CCNYL1: variants seen among roughly 807,000 people sequenced by gnomAD.
CCNYL1 encodes cyclin Y like 1.
Under a neutral mutation model 44.2 loss-of-function variants are expected in CCNYL1, and 16 were observed. That is an observed-to-expected ratio of 0.36 (90% CI 0.25 to 0.55). CCNYL1 has a LOEUF of 0.55. Among genes scored for constraint, CCNYL1 ranks in the 20% least tolerant of loss-of-function variants. The probability of loss-of-function intolerance (pLI) is 0.85; values close to 1 mark genes in which losing one functional copy is unlikely to be tolerated. For synonymous variants in CCNYL1, 159 were observed against 163.2 expected (o/e 0.97, Z 0.20); for missense variants, 348 against 451.8 (o/e 0.77, Z 2.08).
intron 7 of CCNYL1, among the ~76,000 whole-genome samples, chr2:207,745,167 A>G (rs1206840210): frequency 6.6e-6 from 1 of 152,168 alleles, no homozygotes; most frequent in Non-Finnish European, 1.5e-5. Flanking sequence ...TGAGCAAATG[A>G]GAGGACACAT....
intron 3 of CCNYL1, among the ~76,000 whole-genome samples, chr2:207,732,619 T>C (rs1271538502): frequency 6.6e-6 from 1 of 152,054 alleles, no homozygotes; most frequent in Non-Finnish European, 1.5e-5. Flanking sequence ...GTTAAAATTA[T>C]TAGTATTCTG....
intron 1 of CCNYL1, among the ~76,000 whole-genome samples, chr2:207,715,344 A>G (rs532039407): frequency 2.6e-5 from 4 of 151,512 alleles, no homozygotes; most frequent in Non-Finnish European, 5.9e-5. Flanking sequence ...AAAATCATAC[A>G]TAAATGACGC....
In CCNYL1 at chr2:207,712,011, G is replaced by A. The variant is rs778636571; in HGVS notation, c.115G>A (p.Asp39Asn). The A allele has an allele frequency of 2.7e-6, 4 of 1,483,900 alleles. No homozygotes were observed. The East Asian group carries it at 1.1e-4, about 40-fold the overall frequency. The allele number at this position is 1,483,900 out of a possible 1,614,324, so 91.9% of individuals were successfully genotyped here. Residue 39 changes from aspartate to asparagine, a missense_variant, in exon 1 of 10, where the codon GAC becomes AAC. Coordinates refer to ENST00000295414, the MANE Select transcript of CCNYL1 (RefSeq NM_001330218.2). ...CGACATCTACGAGGCGGTGTCCGGG[G>A]ACGCGGTGGCGGTAGCGCCCGCTGT... ...ASDIYEAVSG[D>N]AVAVAPAVVE...
rs1240274135 is a variant in CCNYL1, at chr2:207,754,549, C to CT, written c.*852dup. ...TTTAAGCTTGAATATAGTTTGGGCCCTCCAAGGCACTGCAGCATGAGTATA... is the reference window on the plus strand; with the variant it reads ...TTTAAGCTTGAATATAGTTTGGGCCCTTCCAAGGCACTGCAGCATGAGTATA... On this transcript the variant is annotated 3_prime_UTR_variant, in exon 10 of 10. Coordinates refer to ENST00000295414, the MANE Select transcript of CCNYL1 (RefSeq NM_001330218.2). 5 of 152,566 alleles carry CT rather than the reference C, an allele frequency of 3.3e-5. No homozygotes were observed. Among genetic ancestry groups the CT allele is most frequent in the Non-Finnish European group, 7.3e-5 (5 of 68,050 alleles). The allele number at this position is 152,566 out of a possible 1,614,324, so 9.5% of individuals were successfully genotyped here.
At chr2:207,719,463 G>A (rs2091623020) in intron 1 of CCNYL1, among the ~76,000 whole-genome samples, 1 of 152,004 alleles carries the variant, frequency 6.6e-6, no homozygotes, top group African/African-American at 2.4e-5. Context: ...ACCACGCCCA[G>A]CTAATTTTTA....
chr2:207,722,109 G>C (rs920458023), intron 1 of CCNYL1, among the ~76,000 whole-genome samples: 20 of 130,258 alleles, frequency 1.5e-4, no homozygotes, highest in Non-Finnish European at 2.7e-4. Flanking sequence ...GTCTTGCTCT[G>C]TTGACCAGGC....
chr2:207,728,500 T>C (rs1480159944), intron 3 of CCNYL1, among the ~76,000 whole-genome samples: 28 of 152,080 alleles, frequency 1.8e-4, no homozygotes, highest in Admixed American at 1.8e-3. Flanking sequence ...GGTCTCAAAC[T>C]CCTGGCCTCA....
At chr2:207,728,311 T>C (rs1174456848) in intron 3 of CCNYL1, among the ~76,000 whole-genome samples, 1 of 151,060 alleles carries the variant, frequency 6.6e-6, no homozygotes, top group Non-Finnish European at 1.5e-5. Context: ...GGTCTCACTC[T>C]GTTGCCCAAG....
intron 3 of CCNYL1, among the ~76,000 whole-genome samples, chr2:207,732,936 A>T (rs180975042): frequency 6.6e-6 from 1 of 152,206 alleles, no homozygotes; most frequent in Non-Finnish European, 1.5e-5. Context: ...TTTGTCCCCA[A>T]TTCTGTGCTC....
At position 207,753,738 on chromosome 2, in the gene CCNYL1, C is replaced by T. The variant is rs374519249; in HGVS notation, c.*40C>T. 1.6e-6 allele frequency: 2 copies of T among 1,254,170 alleles called. No homozygotes were observed. Among genetic ancestry groups the T allele is most frequent in the Non-Finnish European group, 2.3e-6 (2 of 867,040 alleles). The allele number at this position is 1,254,170 out of a possible 1,614,324, so 77.7% of individuals were successfully genotyped here. A position where few individuals can be genotyped will look rare whatever the true frequency, so the allele number is the denominator to read the frequency against. On this transcript the variant is annotated 3_prime_UTR_variant, in exon 10 of 10. Transcript: ENST00000295414. ...GGTTATAACGTCATGGGACCTTCAT[C>T]TACAAAGACTGGAGAAATACCACCT... is the stretch of plus-strand genomic sequence containing the variant.
At chr2:207,712,896 A>G (rs1287788692) in intron 1 of CCNYL1, among the ~76,000 whole-genome samples, 1 of 151,824 alleles carries the variant, frequency 6.6e-6, no homozygotes, top group Non-Finnish European at 1.5e-5. Context: ...GCTCGCTGCA[A>G]CCTCCGCCTC....
At chr2:207,736,197 TG>T (rs2091763337) in intron 4 of CCNYL1, among the ~76,000 whole-genome samples, 1 of 152,228 alleles carries the variant, frequency 6.6e-6, no homozygotes, top group Non-Finnish European at 1.5e-5. Flanking sequence ...AAAATCAATT[TG>T]GACATGAAAA....
chr2:207,727,175 C>G (rs2091686245), intron 3 of CCNYL1, among the ~76,000 whole-genome samples: 1 of 152,114 alleles, frequency 6.6e-6, no homozygotes, highest in African/African-American at 2.4e-5. Flanking sequence ...AATCAAGTAA[C>G]AAAATTATAA....
In CCNYL1 at chr2:207,723,695, G is replaced by A. The variant is rs138053779; in HGVS notation, c.221-1105G>A. On this transcript the variant is annotated intron_variant, in intron 1 of 9. Transcript: ENST00000295414. ...GTTTGAGACGAGCCTGGCCAACATG[G>A]TAAAACCCCGTCTCTACTAAAAATA... 4.5e-3 allele frequency among the ~76,000 whole-genome samples: 684 copies of A among 151,978 alleles called. 4 individuals carry two copies. The highest frequency in any genetic ancestry group is 0.015 in the African/African-American group (634 of 41,450).
chr2:207,750,414 T>A (rs1225393599), intron 8 of CCNYL1, among the ~76,000 whole-genome samples: 1 of 152,178 alleles, frequency 6.6e-6, no homozygotes, highest in Non-Finnish European at 1.5e-5. Flanking sequence ...CTTATTTATT[T>A]ATTTGAGATG....
intron 6 of CCNYL1, among the ~76,000 whole-genome samples, chr2:207,741,140 A>G (rs955052387): frequency 4.6e-5 from 7 of 152,132 alleles, no homozygotes; most frequent in Non-Finnish European, 1.0e-4. Flanking sequence ...CTGTAGTCCC[A>G]GCTACTTGGG....
chr2:207,755,600 TAA>T lies in CCNYL1; in HGVS notation c.*1903_*1904del, dbSNP rs1164764123. On this transcript the variant is annotated 3_prime_UTR_variant, in exon 10 of 10. Coordinates refer to ENST00000295414, the MANE Select transcript of CCNYL1 (RefSeq NM_001330218.2). ...GAAGATTTTGAAGAGCAGTGTTAAT[TAA>T]CATGTAATAAAAGGAATTGGACCCT... is the stretch of plus-strand genomic sequence containing the variant. 4 of 152,172 alleles carry T rather than the reference TAA, an allele frequency of 2.6e-5. No homozygotes were observed. Among genetic ancestry groups the T allele is most frequent in the Non-Finnish European group, 5.9e-5 (4 of 68,030 alleles). The allele number at this position is 152,172 out of a possible 1,614,324, so 9.4% of individuals were successfully genotyped here.
intron 3 of CCNYL1, among the ~76,000 whole-genome samples, chr2:207,732,272 T>A (rs982929166): frequency 6.6e-6 from 1 of 152,234 alleles, no homozygotes; most frequent in Non-Finnish European, 1.5e-5. Context: ...AGTTTAGATA[T>A]AGTTGAAAAC....
At chr2:207,749,657 A>G (rs1461513071) in intron 8 of CCNYL1, among the ~76,000 whole-genome samples, 2 of 152,242 alleles carry the variant, frequency 1.3e-5, no homozygotes, top group Admixed American at 6.5e-5. Context: ...TGTGAAGTGC[A>G]TTTATTGCTG....
Sources: allele counts gnomAD v4.1 joint callset (sites outside exome capture counted in the v4.1 genomes callset), GRCh38; gene constraint gnomAD v4.1.1; transcripts MANE v1.5; gene names NCBI Gene and HGNC (gene_info 2026-07-23, HGNC 2026-07-21).